The following TAFA2 variants were observed in gnomAD, a reference collection of about 807,000 sequenced individuals.
TAFA2 encodes the protein TAFA chemokine like family member 2.
In TAFA2, 7 loss-of-function variants were observed where a neutral mutation model predicts 18.8. That is an observed-to-expected ratio of 0.37 (90% CI 0.21 to 0.70). The LOEUF is 0.70. Ranked by LOEUF, TAFA2 falls within the 30% of genes least tolerant of loss-of-function variation. TAFA2 has a pLI of 0.53. For missense variants in TAFA2, 122 were observed against 158.1 expected, an observed-to-expected ratio of 0.77 and a Z score of 1.23; for synonymous variants, 60 against 54.2, an observed-to-expected ratio of 1.11 and a Z score of -0.47.
At chr12:62,014,251 C>A (rs1880857445) in intron 1 of TAFA2, among the ~76,000 whole-genome samples, 1 of 152,140 alleles carries the variant, frequency 6.6e-6, no homozygotes, top group Non-Finnish European at 1.5e-5. Context: ...CAGCAAGATA[C>A]CAAAATTTAC....
At position 62,046,300 on chromosome 12, in the gene TAFA2, C is replaced by T. The variant is rs147295673; in HGVS notation, c.-2+144959G>A. ...TTTATTGCCATCCAATTAGGAAGCT[C>T]TTGGCTCACTGATCAGAAACAAAGA... On this transcript the variant is annotated intron_variant, in intron 1 of 4. Transcript: ENST00000416284. Among the ~76,000 whole-genome samples the T allele has an allele frequency of 7.3e-4, 111 of 152,070 alleles. 1 individual carries two copies. The Middle Eastern group carries it at 0.031, about 42-fold the overall frequency.
At chr12:62,169,430 G>T (rs2062461681) in intron 1 of TAFA2, among the ~76,000 whole-genome samples, 1 of 152,140 alleles carries the variant, frequency 6.6e-6, no homozygotes, top group South Asian at 2.1e-4. Flanking sequence ...GTATTACCTG[G>T]CTCTGCAGGG....
intron 2 of TAFA2, among the ~76,000 whole-genome samples, chr12:61,782,802 A>C (rs1158762871): frequency 3.3e-5 from 5 of 151,794 alleles, no homozygotes; most frequent in Non-Finnish European, 7.4e-5. Context: ...AGAAGTTTTA[A>C]CTAAAGTTGA....
intron 1 of TAFA2, among the ~76,000 whole-genome samples, chr12:62,117,560 T>G (rs538071378): frequency 2.0e-5 from 3 of 152,294 alleles, no homozygotes; most frequent in African/African-American, 7.2e-5. Flanking sequence ...ACTTCAAATG[T>G]TCCAAGTATC....
intron 2 of TAFA2, among the ~76,000 whole-genome samples, chr12:61,788,687 TA>T (rs1431273242): frequency 6.6e-5 from 10 of 151,392 alleles, no homozygotes; most frequent in African/African-American, 2.2e-4. Context: ...AAGAGTAAAA[TA>T]AATGCAGAGA....
At chr12:61,865,105 T>C (rs577766210) in intron 2 of TAFA2, among the ~76,000 whole-genome samples, 19 of 152,102 alleles carry the variant, frequency 1.2e-4, no homozygotes, top group Non-Finnish European at 2.5e-4. Flanking sequence ...ACCATTCCCC[T>C]CCCCCTCCTG....
At chr12:61,833,267 C>T (rs960715350) in intron 2 of TAFA2, among the ~76,000 whole-genome samples, 1 of 151,498 alleles carries the variant, frequency 6.6e-6, no homozygotes, top group African/African-American at 2.4e-5. Context: ...CCACCTCCTT[C>T]CCCCAGAAAC....
chr12:62,051,316 C>G (rs1441520999), intron 1 of TAFA2, among the ~76,000 whole-genome samples: 1 of 152,100 alleles, frequency 6.6e-6, no homozygotes, highest in East Asian at 1.9e-4. Context: ...GAAACAAATT[C>G]CCATGTTTTT....
chr12:61,895,118 A>C (rs932508630), intron 1 of TAFA2, among the ~76,000 whole-genome samples: 1 of 152,174 alleles, frequency 6.6e-6, no homozygotes, highest in African/African-American at 2.4e-5. Flanking sequence ...GGTACCTAGC[A>C]GTGAGCCAAT....
At chr12:62,012,039 G>C (rs1367285131) in intron 1 of TAFA2, among the ~76,000 whole-genome samples, 1 of 152,190 alleles carries the variant, frequency 6.6e-6, no homozygotes, top group African/African-American at 2.4e-5. Flanking sequence ...TGATTTTCAA[G>C]TGTTCTTAAA....
exon 1 of TAFA2, chr12:62,258,801 G>T: frequency 2.9e-6 from 1 of 342,462 alleles, no homozygotes; most frequent in Non-Finnish European, 5.9e-6. Context: ...ATATTCTGCA[G>T]CTTCCCTTCA....
intron 1 of TAFA2, among the ~76,000 whole-genome samples, chr12:61,936,087 A>G (rs976980547): frequency 1.3e-5 from 2 of 152,274 alleles, no homozygotes; most frequent in East Asian, 3.9e-4. Flanking sequence ...TCATCAAAAT[A>G]CTAGCTAGCC....
chr12:62,121,639 G>A (rs1227537563), intron 1 of TAFA2, among the ~76,000 whole-genome samples: 2 of 152,154 alleles, frequency 1.3e-5, no homozygotes, highest in Non-Finnish European at 2.9e-5. Flanking sequence ...TTTCAACTAT[G>A]CTAAGGATAG....
At chr12:61,910,827 C>T (rs908726149) in intron 1 of TAFA2, among the ~76,000 whole-genome samples, 1 of 152,188 alleles carries the variant, frequency 6.6e-6, no homozygotes, top group East Asian at 1.9e-4. Context: ...TTTGCCATCA[C>T]TGCTGATAAA....
At position 62,211,631 on chromosome 12, in the gene TAFA2, G is replaced by A. The variant is rs371409355; in HGVS notation, c.-130+47132C>T. ...GGCCATAGAACTCTGGGTATGATAAGAAAAGGACTTTTATTGTTAATAGGT... is the reference window on the plus strand; with the variant it reads ...GGCCATAGAACTCTGGGTATGATAAAAAAAGGACTTTTATTGTTAATAGGT... On this transcript the variant is annotated intron_variant, in intron 1 of 5. Coordinates refer to the TAFA2 transcript ENST00000551619. Among the ~76,000 whole-genome samples the A allele has an allele frequency of 3.3e-5, 5 of 151,310 alleles. No individual in the cohort carries two copies. In the East Asian group the frequency reaches 7.8e-4, roughly 23 times the overall value.
intron 1 of TAFA2, among the ~76,000 whole-genome samples, chr12:61,982,373 G>T (rs1035460795): frequency 2.0e-5 from 3 of 151,962 alleles, no homozygotes; most frequent in Non-Finnish European, 4.4e-5. Context: ...CACCAGCATG[G>T]CACATGTATA....
At position 61,915,793 on chromosome 12, in the gene TAFA2, T is replaced by G. The variant is rs349881; in HGVS notation, c.-1-48367A>C. ...GAGCACATCTGCCCTTCCTTCACCT[T>G]TTTGTTCTATCCAGGTCCTCAATGG... is the stretch of plus-strand genomic sequence containing the variant. On this transcript the variant is annotated intron_variant, in intron 1 of 4. Coordinates refer to ENST00000416284, the MANE Select transcript of TAFA2 (RefSeq NM_178539.5). 6.8e-3 allele frequency among the ~76,000 whole-genome samples: 1,028 copies of G among 152,282 alleles called. 10 individuals are homozygous for G. Among genetic ancestry groups the G allele is most frequent in the African/African-American group, 0.023 (967 of 41,554 alleles).
intron 1 of TAFA2, among the ~76,000 whole-genome samples, chr12:61,965,833 C>T (rs954721576): frequency 1.3e-5 from 2 of 151,854 alleles, no homozygotes; most frequent in Admixed American, 1.3e-4. Flanking sequence ...TGGCATTGTG[C>T]AGCCGCTGAA....
intron 1 of TAFA2, among the ~76,000 whole-genome samples, chr12:62,250,171 T>A (rs920522193): frequency 6.6e-6 from 1 of 152,242 alleles, no homozygotes; most frequent in African/African-American, 2.4e-5. Context: ...TAACTCTTTA[T>A]TTCCCTTCGT....
Sources: allele counts gnomAD v4.1 joint callset (sites outside exome capture counted in the v4.1 genomes callset), GRCh38; gene constraint gnomAD v4.1.1; transcripts MANE v1.5; gene names NCBI Gene and HGNC (gene_info 2026-07-23, HGNC 2026-07-21).